The following ASIC2 variants were observed in gnomAD, a reference collection of about 807,000 sequenced individuals.
ASIC2 encodes the protein acid-sensing ion channel 2.
ASIC2 carries 25 observed loss-of-function variants against 57.3 expected under a neutral mutation model. The ratio of observed to expected loss-of-function variants is 0.44; its 90% CI spans 0.32 to 0.61. The LOEUF (loss-of-function observed/expected upper bound fraction) is 0.61, where lower values mean the gene tolerates loss of function less well. Among genes scored for constraint, ASIC2 ranks in the 20% least tolerant of loss-of-function variants. The pLI is 0.06. For synonymous variants in ASIC2, 319 were observed against 307.5 expected (o/e 1.04, Z -0.39); for missense variants, 641 against 738.1 (o/e 0.87, Z 1.52).
At chr17:33,075,840 A>G (rs2092087162) in intron 3 of ASIC2, among the ~76,000 whole-genome samples, 1 of 152,214 alleles carries the variant, frequency 6.6e-6, no homozygotes, top group South Asian at 2.1e-4. Flanking sequence ...ACAGTGGAGA[A>G]GGGAGAAGTG....
intron 1 of ASIC2, among the ~76,000 whole-genome samples, chr17:33,776,007 C>T (rs186631316): frequency 1.3e-5 from 2 of 152,088 alleles, no homozygotes; most frequent in African/African-American, 4.8e-5. Context: ...GTGGTGCACA[C>T]CTGTAGTTCC....
intron 1 of ASIC2, among the ~76,000 whole-genome samples, chr17:33,891,274 A>G (rs533593326): frequency 6.6e-6 from 1 of 152,336 alleles, no homozygotes; most frequent in East Asian, 1.9e-4. Context: ...TGAAAGAAAC[A>G]GAAGACTATC....
intron 1 of ASIC2, among the ~76,000 whole-genome samples, chr17:33,840,724 G>A (rs897006159): frequency 6.6e-6 from 1 of 151,412 alleles, no homozygotes; most frequent in African/African-American, 2.4e-5. Flanking sequence ...GTAAGAAATA[G>A]GTGATTGCTT....
At chr17:33,398,283 G>A (rs1292950100) in intron 1 of ASIC2, among the ~76,000 whole-genome samples, 2 of 152,148 alleles carry the variant, frequency 1.3e-5, no homozygotes, top group African/African-American at 4.8e-5. Context: ...CCGGAATATA[G>A]CAGGTGCCCA....
chr17:33,735,146 T>C (rs1476170243), intron 1 of ASIC2, among the ~76,000 whole-genome samples: 1 of 152,088 alleles, frequency 6.6e-6, no homozygotes, highest in African/African-American at 2.4e-5. Flanking sequence ...GCCCAAACTC[T>C]TCACCCTCAT....
At chr17:33,384,210 T>C (rs1400728837) in intron 1 of ASIC2, among the ~76,000 whole-genome samples, 1 of 152,192 alleles carries the variant, frequency 6.6e-6, no homozygotes, top group Non-Finnish European at 1.5e-5. Context: ...CCCTGTAGAA[T>C]AGGCACTTAA....
At chr17:33,425,302 C>A (rs905753) in intron 1 of ASIC2, among the ~76,000 whole-genome samples, 1 of 152,076 alleles carries the variant, frequency 6.6e-6, no homozygotes, top group African/African-American at 2.4e-5. Context: ...AGAAAGGAAA[C>A]AGAAGAAGGA....
At chr17:33,752,727 T>G (rs188380942) in intron 1 of ASIC2, among the ~76,000 whole-genome samples, 366 of 152,340 alleles carry the variant, frequency 2.4e-3, no homozygotes, top group African/African-American at 8.3e-3. Context: ...ATTAAGGAAC[T>G]GCAACTTACA....
intron 1 of ASIC2, chr17:34,039,877 A>G (rs1908040362): frequency 6.3e-7 from 1 of 1,597,720 alleles, no homozygotes; most frequent in Admixed American, 1.7e-5. Context: ...CATCATTTCT[A>G]CTGCCGCCGC....
rs755504700 is a variant in ASIC2 at position 33,088,986 on chromosome 17, T to C, written c.864A>G (p.Glu288=). 6.2e-7 allele frequency: 1 copy of C among 1,614,028 alleles called. No homozygotes were observed. Among genetic ancestry groups the C allele is most frequent in the Non-Finnish European group, 8.5e-7 (1 of 1,179,936 alleles). ...EYLPIWGETE[E]TTFEAGVKVQ... is the part of the protein sequence containing the mutation. ...CTTTCACTCCTGCTTCAAATGTCGT[T>C]TCCTCTGAAAGAACAAAGATGGACA... is the stretch of plus-strand genomic sequence containing the variant. Residue 288 remains glutamate (E), a synonymous_variant, in exon 3 of 10, where the codon GAA becomes GAG. Coordinates refer to ENST00000225823, the MANE Select transcript of ASIC2 (RefSeq NM_183377.2).
At chr17:33,453,212 T>C (rs942902364) in intron 1 of ASIC2, among the ~76,000 whole-genome samples, 1 of 151,842 alleles carries the variant, frequency 6.6e-6, no homozygotes, top group Admixed American at 6.6e-5. Flanking sequence ...TTTGGATGTA[T>C]TGGGGAGCTG....
At chr17:34,038,991 C>A (rs1907996419) in intron 1 of ASIC2, 1 of 1,614,158 alleles carries the variant, frequency 6.2e-7, no homozygotes, top group African/African-American at 1.3e-5. Flanking sequence ...AGCCCAGTCT[C>A]AAGCGGTCTT....
chr17:33,026,116 C>G, intron 4 of ASIC2, 134 bp from the exon 5 acceptor site: 1 of 862,684 alleles, frequency 1.2e-6, no homozygotes. Flanking sequence ...GTGGGCAGTT[C>G]GAAGGGAGCC....
At chr17:33,897,362 T>C (rs1040156651) in intron 1 of ASIC2, among the ~76,000 whole-genome samples, 5 of 152,204 alleles carry the variant, frequency 3.3e-5, no homozygotes, top group African/African-American at 1.2e-4. Flanking sequence ...ACATTAAACT[T>C]TGTATTATGG....
chr17:33,261,698 A>G (rs1019634849), intron 1 of ASIC2, among the ~76,000 whole-genome samples: 1 of 152,238 alleles, frequency 6.6e-6, no homozygotes, highest in African/African-American at 2.4e-5. Flanking sequence ...TATATGAGCC[A>G]CACAACAGAG....
At chr17:33,640,236 C>T (rs1906516390) in intron 1 of ASIC2, among the ~76,000 whole-genome samples, 1 of 152,000 alleles carries the variant, frequency 6.6e-6, no homozygotes, top group African/African-American at 2.4e-5. Flanking sequence ...GAAAAGCTGC[C>T]ATGGGGGCTG....
At chr17:33,668,489 T>G (rs1366685153) in intron 1 of ASIC2, among the ~76,000 whole-genome samples, 1 of 152,104 alleles carries the variant, frequency 6.6e-6, no homozygotes, top group African/African-American at 2.4e-5. Flanking sequence ...CTTCTCATGC[T>G]GCCATCTCTC....
At chr17:33,747,997 G>A (rs894461807) in intron 1 of ASIC2, among the ~76,000 whole-genome samples, 2 of 152,350 alleles carry the variant, frequency 1.3e-5, no homozygotes, top group South Asian at 4.1e-4. Context: ...AACCTCAAGT[G>A]GAAGGTACCA....
At chr17:34,111,267 T>C (rs1911263507) in intron 1 of ASIC2, among the ~76,000 whole-genome samples, 5 of 148,156 alleles carry the variant, frequency 3.4e-5, no homozygotes. Context: ...ATAGTATATA[T>C]TATATACAAC....
Sources: allele counts gnomAD v4.1 joint callset (sites outside exome capture counted in the v4.1 genomes callset), GRCh38; gene constraint gnomAD v4.1.1; transcripts MANE v1.5; gene names NCBI Gene and HGNC (gene_info 2026-07-23, HGNC 2026-07-21).